Variants in COL7A1 observed in about 807,000 individuals in gnomAD.
COL7A1 encodes collagen alpha-1(VII) chain.
In COL7A1, 296 loss-of-function variants were observed where a neutral mutation model predicts 456.2. The ratio of observed to expected loss-of-function variants is 0.65; its 90% CI spans 0.59 to 0.71. The LOEUF is 0.71. Ranked by LOEUF, COL7A1 falls within the 30% of genes least tolerant of loss-of-function variation. The pLI is 0.00. For missense variants in COL7A1, 3,441 were observed against 4,017.2 expected, an observed-to-expected ratio of 0.86 and a Z score of 3.88; for synonymous variants, 1,464 against 1,525.9, an observed-to-expected ratio of 0.96 and a Z score of 0.95.
chr3:48,585,910 T>C lies in COL7A1; in HGVS notation c.3759+30A>G, dbSNP rs2045217228. On this transcript the variant is annotated intron_variant, in intron 29 of 118. Transcript: ENST00000681320. The surrounding 1 kb of genome is among the most constrained non-coding windows in gnomAD (Gnocchi z 4.5). ...AGAGTGGCTAGCCCCAGGTGCAGCC[T>C]CTGTTCACCTCTCGATGAGGGACTC... 6.2e-7 allele frequency: 1 copy of C among 1,614,092 alleles called. No individual in the cohort carries two copies.
Position 48,583,268 on chromosome 3 carries a change from C to G in COL7A1, c.4438-97G>C. 1 of 1,602,202 alleles carries G rather than the reference C, an allele frequency of 6.2e-7. No individual in the cohort carries two copies. The highest frequency in any genetic ancestry group is 8.5e-7 in the Non-Finnish European group (1 of 1,172,372). On this transcript the variant is annotated intron_variant, in intron 42 of 118. Coordinates refer to ENST00000681320, the MANE Select transcript of COL7A1 (RefSeq NM_000094.4). The surrounding 1 kb of genome is among the most constrained non-coding windows in gnomAD (Gnocchi z 5.1). Reference sequence around the variant, plus strand: ...ACAAGGGGTCCCAAACTCCAACCACCCCCTCCAAAACCACGACCTCTGACC... The same window carrying G: ...ACAAGGGGTCCCAAACTCCAACCACGCCCTCCAAAACCACGACCTCTGACC...
rs2045316478 is a variant in COL7A1, at chr3:48,587,024, A to G, written c.3224T>C (p.Val1075Ala). ...NAHRAEATRRVLERLVLALGP... is the reference protein window; with the variant it reads ...NAHRAEATRRALERLVLALGP... Reference sequence around the variant, plus strand: ...AAGTGCCAACACCAGACGCTCCAGGACCCTCCTCGTAGCCTCCGCACGGTG... The same window carrying G: ...AAGTGCCAACACCAGACGCTCCAGGGCCCTCCTCGTAGCCTCCGCACGGTG... Residue 1075 changes from valine to alanine, a missense_variant, in exon 25 of 119, where the codon GTC (valine) becomes GCC (alanine). This residue lies in a region of COL7A1 where 444 missense variants were observed against 427.6 expected (regional missense o/e 1.04). Transcript: ENST00000681320. This position sits in a 1 kb window ranked among gnomAD's most constrained non-coding sequence, Gnocchi z 6.1. The G allele has an allele frequency of 6.2e-7, 1 of 1,605,038 alleles. No homozygotes were observed. Among genetic ancestry groups the G allele is most frequent in the Non-Finnish European group, 8.5e-7 (1 of 1,175,898 alleles).
At position 48,593,374 on chromosome 3, in the gene COL7A1, C is replaced by T. The variant is rs562413402; in HGVS notation, c.502G>A (p.Val168Ile). 3.1e-6 allele frequency: 5 copies of T among 1,614,124 alleles called. No individual in the cohort carries two copies. Among genetic ancestry groups the T allele is most frequent in the Non-Finnish European group, 3.4e-6 (4 of 1,180,026 alleles). Residue 168 changes from valine to isoleucine, a missense_variant, in exon 5 of 119, where the codon GTC (valine) becomes ATC (isoleucine). By Grantham distance (29) the Val-to-Ile change is conservative (BLOSUM62 3). Transcript: ENST00000681320. The surrounding 1 kb of genome is among the most constrained non-coding windows in gnomAD (Gnocchi z 4.4). ...TAAQRLKGQG[V>I]KLFAVGIKNA... ...TCCTTACCCACAGCAAATAGCTTGA[C>T]CCCCTGCCCCTTCAGCCTTTGGGCA...
chr3:48,585,689 C>T lies in COL7A1; in HGVS notation c.3831+1G>A, dbSNP rs776841521. ...CAGGGACAGATGTGGGGGACACTCA[C>T]CGGGAGGCCAGGGTCGCCAGGAGGC... On this transcript the variant is annotated splice_donor_variant, in intron 31 of 118. Transcript: ENST00000681320. LOFTEE classifies it high-confidence loss of function. The surrounding 1 kb of genome is among the most constrained non-coding windows in gnomAD (Gnocchi z 4.5). 1.9e-6 allele frequency: 3 copies of T among 1,614,044 alleles called. No homozygotes were observed. Among genetic ancestry groups the T allele is most frequent in the Non-Finnish European group, 2.5e-6 (3 of 1,179,994 alleles).
chr3:48,594,624 G>T lies in COL7A1; in HGVS notation c.86-76C>A, dbSNP rs561295450. The stretch of plus-strand genomic sequence containing the variant: ...CCTACCCGCACGGTGGCCTCACTGG[G>T]ACTTGGGATGGTGGGGAGAGTAGGC... On this transcript the variant is annotated intron_variant, in intron 2 of 118. Transcript: ENST00000681320. The surrounding 1 kb of genome is among the most constrained non-coding windows in gnomAD (Gnocchi z 5.5). 1.5e-3 allele frequency: 2,279 copies of T among 1,489,122 alleles called. 3 individuals carry two copies. Among genetic ancestry groups the T allele is most frequent in the Non-Finnish European group, 1.8e-3 (1,977 of 1,105,020 alleles). 92.2% of individuals were successfully genotyped at this position (1,489,122 alleles called of 1,614,324 possible). A position where few individuals can be genotyped will look rare whatever the true frequency, so the allele number is the denominator to read the frequency against.
Position 48,590,364 on chromosome 3 carries a change from C to T in COL7A1, c.1907-8G>A. 1 of 1,614,054 alleles carries T rather than the reference C, an allele frequency of 6.2e-7. No homozygotes were observed. The highest frequency in any genetic ancestry group is 1.1e-5 in the South Asian group (1 of 91,080). On this transcript the variant is annotated splice_region_variant and splice_polypyrimidine_tract_variant and intron_variant, in intron 15 of 118. Transcript: ENST00000681320. This position sits in a 1 kb window ranked among gnomAD's most constrained non-coding sequence, Gnocchi z 4.6. ...TCTGGCTGGACTCCGGACCTGAGGTCAGAGGGAAATGCTGGCATGGCTCCT... is the reference window on the plus strand; with the variant it reads ...TCTGGCTGGACTCCGGACCTGAGGTTAGAGGGAAATGCTGGCATGGCTCCT...
chr3:48,574,228 G>C lies in COL7A1; in HGVS notation c.6501+34C>G, dbSNP rs1560212759. On this transcript the variant is annotated intron_variant, in intron 80 of 118. Coordinates refer to ENST00000681320, the MANE Select transcript of COL7A1 (RefSeq NM_000094.4). This position sits in a 1 kb window ranked among gnomAD's most constrained non-coding sequence, Gnocchi z 5.0. Reference sequence around the variant, plus strand: ...GCAGCAGCACCTAGCGGAGGGTCCGGAGCCTGGGGCCAGGTGCTTCAGCCA... The same window carrying C: ...GCAGCAGCACCTAGCGGAGGGTCCGCAGCCTGGGGCCAGGTGCTTCAGCCA... 6.2e-7 allele frequency: 1 copy of C among 1,613,640 alleles called. No individual in the cohort carries two copies. Among genetic ancestry groups the C allele is most frequent in the Non-Finnish European group, 8.5e-7 (1 of 1,179,872 alleles).
chr3:48,592,138 T>C lies in COL7A1; in HGVS notation c.1204A>G (p.Ser402Gly), dbSNP rs749897901. 3 of 1,613,968 alleles carry C rather than the reference T, an allele frequency of 1.9e-6. No homozygotes were observed. The highest frequency in any genetic ancestry group is 1.1e-5 in the South Asian group (1 of 91,084). The change falls in exon 10 of 119, where the codon AGT (serine) becomes GGT (glycine). Residue 402 changes from serine to glycine, a missense_variant. Ser to Gly is a moderately conservative substitution (Grantham distance 56). This residue lies in a region of COL7A1 where 913 missense variants were observed against 1,088.2 expected (regional missense o/e 0.84). Transcript: ENST00000681320. The surrounding 1 kb of genome is among the most constrained non-coding windows in gnomAD (Gnocchi z 7.6). ...ATCAGGGAAGTGGCGGGCCCCACAC[T>C]GCGGCCAAATAGGGTGCTCACGGTC... ...EVTVSTLFGR[S>G]VGPATSLMAR... is the part of the protein sequence containing the mutation.
chr3:48,565,646 T>C lies in COL7A1; in HGVS notation c.8430A>G (p.Ala2810=). 6.2e-7 allele frequency: 1 copy of C among 1,613,712 alleles called. No individual in the cohort carries two copies. Among genetic ancestry groups the C allele is most frequent in the Non-Finnish European group, 8.5e-7 (1 of 1,179,918 alleles). The change falls in exon 115 of 119, where the codon GCA becomes GCG. Residue 2810 remains alanine (A), a synonymous_variant. Coordinates refer to ENST00000681320, the MANE Select transcript of COL7A1 (RefSeq NM_000094.4). This position sits in a 1 kb window ranked among gnomAD's most constrained non-coding sequence, Gnocchi z 4.5. The part of the protein sequence containing the change: ...QHCACQGQFI[A]SGSRPLPSYA... ...TAGAAAACTACTCACGTGATCCAGA[T>C]GCGATGAACTGGCCCTGGCAGGCTA...
Position 48,566,820 on chromosome 3 carries a change from G to A in COL7A1, c.8227-83C>T. The stretch of plus-strand genomic sequence containing the variant: ...CAGGTTGGGGGCCACAGCTTCAGAG[G>A]TTGGGGCAGGCAGGCTGGAAGATGG... On this transcript the variant is annotated intron_variant, in intron 111 of 118. Transcript: ENST00000681320. This position sits in a 1 kb window ranked among gnomAD's most constrained non-coding sequence, Gnocchi z 5.9. 2.5e-6 allele frequency: 4 copies of A among 1,587,242 alleles called. No individual in the cohort carries two copies. The highest frequency in any genetic ancestry group is 2.2e-5 in the South Asian group (2 of 90,178).
chr3:48,570,999 G>A lies in COL7A1; in HGVS notation c.7165-31C>T. Reference sequence around the variant, plus strand: ...ATAAAAACAGCAAAGGGAGGGAATGGTCAATGCAGGACCCCTCCCAGGACT... The same window carrying A: ...ATAAAAACAGCAAAGGGAGGGAATGATCAATGCAGGACCCCTCCCAGGACT... On this transcript the variant is annotated intron_variant, in intron 94 of 118. Transcript: ENST00000681320. This position sits in a 1 kb window ranked among gnomAD's most constrained non-coding sequence, Gnocchi z 5.5. 2 of 1,611,624 alleles carry A rather than the reference G, an allele frequency of 1.2e-6. No individual in the cohort carries two copies. Among genetic ancestry groups the A allele is most frequent in the East Asian group, 2.2e-5 (1 of 44,842 alleles).
At position 48,574,027 on chromosome 3, in the gene COL7A1, G is replaced by T; in HGVS notation, c.6502-137C>A. 8.3e-7 allele frequency: 1 copy of T among 1,200,764 alleles called. No individual in the cohort carries two copies. The highest frequency in any genetic ancestry group is 1.2e-6 in the Non-Finnish European group (1 of 834,488). The allele number at this position is 1,200,764 out of a possible 1,614,324, so 74.4% of individuals were successfully genotyped here. A position where few individuals can be genotyped will look rare whatever the true frequency, so the allele number is the denominator to read the frequency against. ...CACAGATAATACCTACCCATGGACT[G>T]CCTCTCATAGATAGCACACACGGGC... On this transcript the variant is annotated intron_variant, in intron 80 of 118. Coordinates refer to ENST00000681320, the MANE Select transcript of COL7A1 (RefSeq NM_000094.4). This position sits in a 1 kb window ranked among gnomAD's most constrained non-coding sequence, Gnocchi z 5.0.
chr3:48,590,738 G>A lies in COL7A1; in HGVS notation c.1715C>T (p.Thr572Ile). The part of the protein sequence containing the change: ...LDDVQAGLSY[T>I]VRVSARVGPR... ...ACCCACTCGAGCAGACACCCGCACA[G>A]TGTAGCTAAGCCCAGCCTGAACGTC... is the stretch of plus-strand genomic sequence containing the variant. Residue 572 changes from threonine (T) to isoleucine (I), a missense_variant, in exon 14 of 119, where the codon ACT becomes ATT. Thr to Ile is a moderately conservative substitution (Grantham distance 89). This residue lies in a region of COL7A1 where 913 missense variants were observed against 1,088.2 expected (regional missense o/e 0.84). Transcript: ENST00000681320. The surrounding 1 kb of genome is among the most constrained non-coding windows in gnomAD (Gnocchi z 4.6). The A allele has an allele frequency of 6.2e-7, 1 of 1,614,072 alleles. No individual in the cohort carries two copies. Among genetic ancestry groups the A allele is most frequent in the Non-Finnish European group, 8.5e-7 (1 of 1,180,040 alleles).
Position 48,566,483 on chromosome 3 carries a change from C to T in COL7A1, c.8358+27G>A, listed in dbSNP as rs770437526. On this transcript the variant is annotated intron_variant, in intron 113 of 118. Coordinates refer to ENST00000681320, the MANE Select transcript of COL7A1 (RefSeq NM_000094.4). The surrounding 1 kb of genome is among the most constrained non-coding windows in gnomAD (Gnocchi z 5.9). ...GCCCACCCAGGCCCACCCAGGCCCT[C>T]CCAGGCCCATCCAGGCCCACACTCA... 9.3e-6 allele frequency: 15 copies of T among 1,610,668 alleles called. No individual in the cohort carries two copies. Among genetic ancestry groups the T allele is most frequent in the Non-Finnish European group, 1.3e-5 (15 of 1,177,262 alleles).
chr3:48,593,123 C>T lies in COL7A1; in HGVS notation c.661G>A (p.Gly221Ser). Residue 221 changes from glycine to serine, a missense_variant, in exon 6 of 119, where the codon GGC (glycine) becomes AGC (serine). By Grantham distance (56) the Gly-to-Ser change is moderately conservative. Coordinates refer to ENST00000681320, the MANE Select transcript of COL7A1 (RefSeq NM_000094.4). This position sits in a 1 kb window ranked among gnomAD's most constrained non-coding sequence, Gnocchi z 4.4. ...TCACGAGGTCGGGTCACAGGCACGC[C>T]ACCAGCAGTCGTGCACACTCTCCGG... ...VSRRVCTTAGGVPVTRPPDDS... is the reference protein window; with the variant it reads ...VSRRVCTTAGSVPVTRPPDDS... The T allele has an allele frequency of 6.2e-7, 1 of 1,614,084 alleles. No individual in the cohort carries two copies. The highest frequency in any genetic ancestry group is 8.5e-7 in the Non-Finnish European group (1 of 1,180,018).
chr3:48,590,910 G>A lies in COL7A1; in HGVS notation c.1637-94C>T. 8.6e-7 allele frequency: 1 copy of A among 1,162,518 alleles called. No homozygotes were observed. Among genetic ancestry groups the A allele is most frequent in the Admixed American group, 1.8e-5 (1 of 56,646 alleles). The allele number at this position is 1,162,518 out of a possible 1,614,324, so 72.0% of individuals were successfully genotyped here. A position where few individuals can be genotyped will look rare whatever the true frequency, so the allele number is the denominator to read the frequency against. ...TGGACAGGGACGCAGAGTGAGAAGG[G>A]CCATGGGGGTGGGGATGTGGGGTGG... On this transcript the variant is annotated intron_variant, in intron 13 of 118. Coordinates refer to ENST00000681320, the MANE Select transcript of COL7A1 (RefSeq NM_000094.4). The surrounding 1 kb of genome is among the most constrained non-coding windows in gnomAD (Gnocchi z 4.6).
Position 48,588,668 on chromosome 3 carries a change from G to A in COL7A1, c.2561C>T (p.Thr854Ile). 1 of 1,613,852 alleles carries A rather than the reference G, an allele frequency of 6.2e-7. No homozygotes were observed. ...CGTAGTGACAACAATGGAGACAGGT[G>A]TGCCCTCGCGGTCCCCGACAAGTGC... ...VTALVGDREG[T>I]PVSIVVTTPP... The change falls in exon 20 of 119, where the codon ACA (threonine) becomes ATA (isoleucine). Residue 854 changes from threonine (T) to isoleucine (I), a missense_variant. Thr to Ile is a moderately conservative substitution (Grantham distance 89). Coordinates refer to ENST00000681320, the MANE Select transcript of COL7A1 (RefSeq NM_000094.4). The surrounding 1 kb of genome is among the most constrained non-coding windows in gnomAD (Gnocchi z 4.6).
chr3:48,584,573 C>A lies in COL7A1; in HGVS notation c.4048-17G>T. ...GGGAGCCCCCTGTAAGGACAGAGAG[C>A]AGTGGGCAGGATTCAGGCTATGGGG... On this transcript the variant is annotated splice_polypyrimidine_tract_variant and intron_variant, in intron 35 of 118. Transcript: ENST00000681320. 6.2e-7 allele frequency: 1 copy of A among 1,614,038 alleles called. No individual in the cohort carries two copies. Among genetic ancestry groups the A allele is most frequent in the Non-Finnish European group, 8.5e-7 (1 of 1,179,982 alleles).
Position 48,576,883 on chromosome 3 carries a change from C to T in COL7A1, c.5604+1G>A. 6.2e-7 allele frequency: 1 copy of T among 1,614,096 alleles called. No individual in the cohort carries two copies. Among genetic ancestry groups the T allele is most frequent in the Non-Finnish European group, 8.5e-7 (1 of 1,180,038 alleles). On this transcript the variant is annotated splice_donor_variant, in intron 67 of 118. Transcript: ENST00000681320. LOFTEE classifies it high-confidence loss of function. The stretch of plus-strand genomic sequence containing the variant: ...AGGTTGCAGAAAACTCCAATACTCA[C>T]TTCTCTCCCAGAGGCGCCTGAATCT...
Sources: gnomAD v4.1 joint callset for allele counts on GRCh38, gnomAD v4.1.1 for gene constraint, gnomAD v4.1.1 regional missense constraint, Gnocchi (gnomAD v3.1) non-coding constraint, MANE v1.5 for transcripts, NCBI Gene and HGNC (gene_info 2026-07-23, HGNC 2026-07-21) for gene names.